Variants in POTEE observed in about 807,000 individuals in gnomAD.
The protein encoded by POTEE is POTE ankyrin domain family member E, also known as ANKRD26-like family C member 1A.
POTEE carries 21 observed loss-of-function variants against 74.2 expected under a neutral mutation model. The ratio of observed to expected loss-of-function variants is 0.28; its 90% CI spans 0.20 to 0.41. POTEE has a LOEUF of 0.41. Among genes scored for constraint, POTEE ranks in the 10% least tolerant of loss-of-function variants. The pLI is 1.00. For missense variants in POTEE, 525 were observed against 1,158.6 expected (o/e 0.45, Z 7.94); for synonymous variants, 211 against 432.8 (o/e 0.49, Z 6.36).
intron 16 of POTEE, among the ~76,000 whole-genome samples, chr2:131,260,498 G>A (rs2105137555): frequency 7.1e-6 from 1 of 140,958 alleles, no homozygotes; most frequent in Non-Finnish European, 1.5e-5. Flanking sequence ...CTTTGGTGGT[G>A]TTTTCCAGTT....
chr2:131,220,140 A>G (rs1452635925), intron 4 of POTEE, among the ~76,000 whole-genome samples: 1 of 152,104 alleles, frequency 6.6e-6, no homozygotes, highest in Non-Finnish European at 1.5e-5. Flanking sequence ...TTTTAAATAT[A>G]CAAAAAGAGA....
At chr2:131,220,170 A>T (rs1700573789) in intron 4 of POTEE, among the ~76,000 whole-genome samples, 1 of 152,030 alleles carries the variant, frequency 6.6e-6, no homozygotes. Flanking sequence ...GAAGAGAAAC[A>T]TACAAATGCC....
chr2:131,217,949 A>C (rs1431443260), intron 3 of POTEE: 15 of 256,446 alleles, frequency 5.8e-5, no homozygotes, highest in South Asian at 4.1e-4. Flanking sequence ...CACGCGCTTT[A>C]ACGGCTTGGC....
At chr2:131,233,546 G>A (rs1479997706) in intron 9 of POTEE, among the ~76,000 whole-genome samples, 3 of 147,338 alleles carry the variant, frequency 2.0e-5, no homozygotes, top group African/African-American at 5.0e-5. Flanking sequence ...GTTTTCACCC[G>A]TCCTTAGTGA....
rs1170864689 is a variant in POTEE, at chr2:131,263,419, T to A, written c.1964T>A (p.Ile655Asn). Residue 655 changes from isoleucine (I) to asparagine (N), a missense_variant, in exon 18 of 18, where the codon ATT becomes AAT. Transcript: ENST00000683005. ...LHENSTLREE[I>N]AMLRLELDTM... The stretch of plus-strand genomic sequence containing the variant: ...GAAAATAGTACGTTGCGGGAAGAAA[T>A]TGCCATGCTAAGACTGGAGCTAGAC... The A allele has an allele frequency of 6.2e-6, 10 of 1,611,714 alleles. No homozygotes were observed. The Middle Eastern group carries it at 9.0e-4, about 145-fold the overall frequency.
chr2:131,213,995 TAGTA>T (rs778884004), intron 2 of POTEE, among the ~76,000 whole-genome samples: 29 of 151,620 alleles, frequency 1.9e-4, no homozygotes, highest in Non-Finnish European at 1.2e-4. Context: ...GTGGGGACAG[TAGTA>T]AGTTTTTCTT....
In POTEE at chr2:131,263,556, A is replaced by G; in HGVS notation, c.2101A>G (p.Met701Val). ...LKALQLNELTMDDDTAVLVID... is the reference protein window; with the variant it reads ...LKALQLNELTVDDDTAVLVID... ...GGCTCTACAATTGAATGAGCTCACC[A>G]TGGATGATGATACCGCCGTGCTCGT... Residue 701 changes from methionine (M) to valine (V), a missense_variant, in exon 18 of 18, where the codon ATG becomes GTG. Coordinates refer to ENST00000683005, the MANE Select transcript of POTEE (RefSeq NM_001083538.3). The G allele has an allele frequency of 6.2e-7, 1 of 1,604,154 alleles. No individual in the cohort carries two copies. Among genetic ancestry groups the G allele is most frequent in the Admixed American group, 1.7e-5 (1 of 58,460 alleles).
At chr2:131,256,776 G>A (rs574323648) in intron 16 of POTEE, among the ~76,000 whole-genome samples, 16 of 140,606 alleles carry the variant, frequency 1.1e-4, no homozygotes, top group African/African-American at 2.1e-4. Flanking sequence ...GTACCAGCAC[G>A]ATTCCTAATC....
rs1031668401 is a variant in POTEE, at chr2:131,217,495, C to T, written c.-188-94C>T. 5.5e-4 allele frequency among the ~76,000 whole-genome samples: 77 copies of T among 140,734 alleles called. 1 individual carries two copies. Among genetic ancestry groups the T allele is most frequent in the African/African-American group, 1.8e-3 (69 of 37,412 alleles). The allele number at this position is 140,734 out of a possible 152,430, so 92.3% of individuals were successfully genotyped here. On this transcript the variant is annotated intron_variant, in intron 2 of 17. Coordinates refer to ENST00000683005, the MANE Select transcript of POTEE (RefSeq NM_001083538.3). The stretch of plus-strand genomic sequence containing the variant: ...GCACAACAGCACCGCCAGGAGTGTC[C>T]TGGGGGCTTTTTTCAAAGGAGGCTG...
intron 6 of POTEE, among the ~76,000 whole-genome samples, chr2:131,225,785 C>T (rs1308891122): frequency 6.6e-6 from 1 of 151,648 alleles, no homozygotes; most frequent in Non-Finnish European, 1.5e-5. Flanking sequence ...CTCAGCCTCC[C>T]CAAATGCTAG....
intron 2 of POTEE, among the ~76,000 whole-genome samples, chr2:131,216,305 A>G (rs545915193): frequency 1.1e-4 from 16 of 152,204 alleles, no homozygotes; most frequent in South Asian, 4.1e-4. Context: ...TCAAATTCCA[A>G]TGTCATTCTT....
intron 2 of POTEE, among the ~76,000 whole-genome samples, chr2:131,212,667 C>T (rs1290046206): frequency 6.7e-6 from 1 of 149,122 alleles, no homozygotes; most frequent in African/African-American, 2.5e-5. Context: ...TGGGTTCAAG[C>T]AAGTCTCCTG....
chr2:131,217,024 C>A (rs1175796354), intron 2 of POTEE, among the ~76,000 whole-genome samples: 5 of 152,176 alleles, frequency 3.3e-5, no homozygotes, highest in Non-Finnish European at 7.3e-5. Flanking sequence ...CTAGTTAATA[C>A]ACTTAAAAAA....
chr2:131,233,479 T>C (rs150307974), intron 9 of POTEE, among the ~76,000 whole-genome samples: 2,011 of 152,174 alleles, frequency 0.013, 58 homozygotes, highest in African/African-American at 0.046. Context: ...GTTTTCGCAG[T>C]AGTCAGTTAT....
chr2:131,233,437 T>C lies in POTEE; in HGVS notation c.1126+2531T>C, dbSNP rs185448344. On this transcript the variant is annotated intron_variant, in intron 9 of 17. Transcript: ENST00000683005. ...TTTGCTGGGATTGATGGAAGGTTCTTTACCCTGTAAAGAAACCAGGAGACA... is the reference window on the plus strand; with the variant it reads ...TTTGCTGGGATTGATGGAAGGTTCTCTACCCTGTAAAGAAACCAGGAGACA... Among the ~76,000 whole-genome samples the C allele has an allele frequency of 2.3e-3, 357 of 152,250 alleles. 1 individual carries two copies. Among genetic ancestry groups the C allele is most frequent in the African/African-American group, 8.3e-3 (344 of 41,508 alleles).
Position 131,218,476 on chromosome 2 carries a change from G to C in POTEE, c.74G>C (p.Gly25Ala), listed in dbSNP as rs1198000092. 6.2e-7 allele frequency: 1 copy of C among 1,613,060 alleles called. No homozygotes were observed. The change falls in exon 4 of 18, where the codon GGC becomes GCC. Residue 25 changes from glycine (G) to alanine (A), a missense_variant. By Grantham distance (60) the Gly-to-Ala change is moderately conservative. Transcript: ENST00000683005. ...CCATTTGGTCTCAGGAGCAAGATGG[G>C]CAAGTGGTGCTGCCGTTGCTTCCCC... ...KKPFGLRSKMGKWCCRCFPCY... is the reference protein window; with the variant it reads ...KKPFGLRSKMAKWCCRCFPCY...
rs540314136 is a variant in POTEE at position 131,231,600 on chromosome 2, T to C, written c.1126+694T>C. Among the ~76,000 whole-genome samples the C allele has an allele frequency of 2.6e-5, 4 of 152,216 alleles. No individual in the cohort carries two copies. In the East Asian group the frequency reaches 5.8e-4, roughly 22 times the overall value. Reference sequence around the variant, plus strand: ...ATTACTGACTTCATTCCTCCTCATTTGAAGTTGGAAAGAGATATATTTACT... The same window carrying C: ...ATTACTGACTTCATTCCTCCTCATTCGAAGTTGGAAAGAGATATATTTACT... On this transcript the variant is annotated intron_variant, in intron 9 of 17. Coordinates refer to ENST00000683005, the MANE Select transcript of POTEE (RefSeq NM_001083538.3).
At chr2:131,237,239 A>G (rs1701158777) in intron 10 of POTEE, among the ~76,000 whole-genome samples, 1 of 150,320 alleles carries the variant, frequency 6.7e-6, no homozygotes, top group South Asian at 2.1e-4. Context: ...AATTATGAAC[A>G]ATGTAACTCT....
intron 9 of POTEE, among the ~76,000 whole-genome samples, chr2:131,233,023 A>T (rs1257960962): frequency 6.6e-6 from 1 of 152,032 alleles, no homozygotes; most frequent in African/African-American, 2.4e-5. Context: ...TCTGAGGCTG[A>T]GGAGGGGGAT....
Sources: allele counts gnomAD v4.1 joint callset (sites outside exome capture counted in the v4.1 genomes callset), GRCh38; gene constraint gnomAD v4.1.1; transcripts MANE v1.5; gene names NCBI Gene and HGNC (gene_info 2026-07-23, HGNC 2026-07-21).